QNG1: variants seen among roughly 807,000 people sequenced by gnomAD.
The protein encoded by QNG1 is queuosine 5'-phosphate N-glycosylase/hydrolase.
chr9:83,944,687 C>A, the QNG1 span: 1 of 845,902 alleles, frequency 1.2e-6, no homozygotes, highest in Non-Finnish European at 1.8e-6. Flanking sequence ...ATACTATGAA[C>A]AATAAATAGT....
the QNG1 span, among the ~76,000 whole-genome samples, chr9:83,944,028 C>CAAACAAACAAACAAACAAAA: frequency 0.033 from 4,921 of 149,942 alleles, 250 homozygotes; most frequent in African/African-American, 0.11. Flanking sequence ...CTCAAACAAA[C>CAAACAAACAAACAAACAAAA]AAACATAAAG....
the QNG1 span, among the ~76,000 whole-genome samples, chr9:83,945,471 A>G: frequency 1.3e-5 from 2 of 152,056 alleles, no homozygotes; most frequent in Non-Finnish European, 2.9e-5. Context: ...TAAATTTTCT[A>G]TCACTCCAAA....
the QNG1 span, among the ~76,000 whole-genome samples, chr9:83,951,801 GA>G: frequency 1.3e-5 from 2 of 152,094 alleles, no homozygotes; most frequent in Non-Finnish European, 2.9e-5. Flanking sequence ...TGGTGTTTTG[GA>G]AATATATCTG....
the QNG1 span, among the ~76,000 whole-genome samples, chr9:83,950,596 C>CTTTTT: frequency 1.9e-4 from 22 of 118,320 alleles, no homozygotes; most frequent in Non-Finnish European, 2.7e-4. Flanking sequence ...CTTTTCTTTT[C>CTTTTT]TTTTTTTTTT....
the QNG1 span, among the ~76,000 whole-genome samples, chr9:83,953,339 T>C: frequency 9.2e-5 from 14 of 151,862 alleles, no homozygotes; most frequent in Admixed American, 1.3e-4. Context: ...ACTAATACAA[T>C]TGAATTCTTT....
At chr9:83,951,395 T>A in the QNG1 span, among the ~76,000 whole-genome samples, 1 of 152,150 alleles carries the variant, frequency 6.6e-6, no homozygotes, top group Non-Finnish European at 1.5e-5. Flanking sequence ...ACCCCATCTC[T>A]ACTAATATAC....
chr9:83,954,879 CAAAAAAA>C, the QNG1 span, among the ~76,000 whole-genome samples: 2,258 of 47,084 alleles, frequency 0.048, 77 homozygotes, highest in African/African-American at 0.14. Flanking sequence ...GAGTCCATCT[CAAAAAAA>C]AAAAAAAAAA....
chr9:83,953,922 T>C, the QNG1 span: 15 of 962,170 alleles, frequency 1.6e-5, no homozygotes, highest in East Asian at 2.7e-5. Context: ...AGATAGAGTC[T>C]AATTCTGTCT....
chr9:83,954,109 G>C, the QNG1 span, among the ~76,000 whole-genome samples: 1 of 151,816 alleles, frequency 6.6e-6, no homozygotes, highest in Non-Finnish European at 1.5e-5. Flanking sequence ...TGCTAGGCTG[G>C]TCTTGAGCTC....
chr9:83,956,448 C>T, the QNG1 span: 2 of 1,542,774 alleles, frequency 1.3e-6, no homozygotes, highest in South Asian at 1.3e-5. Flanking sequence ...CACATCCCGA[C>T]TGTTTTCTGC....
At chr9:83,939,748 A>G in the QNG1 span, 1 of 1,604,568 alleles carries the variant, frequency 6.2e-7, no homozygotes, top group Non-Finnish European at 8.5e-7. Flanking sequence ...TTTCTCCTGC[A>G]AGGGGGAAAA....
the QNG1 span, among the ~76,000 whole-genome samples, chr9:83,948,432 G>A: frequency 7.0e-6 from 1 of 142,796 alleles, no homozygotes; most frequent in East Asian, 2.1e-4. Context: ...GGAGGTGGGG[G>A]GCAGCCCCCC....
the QNG1 span, among the ~76,000 whole-genome samples, chr9:83,951,545 C>T: frequency 6.6e-5 from 10 of 151,894 alleles, no homozygotes; most frequent in Non-Finnish European, 5.9e-5. Context: ...TGGGTGACAG[C>T]GAGACTCTGT....
chr9:83,951,381 T>C, the QNG1 span, among the ~76,000 whole-genome samples: 1 of 152,114 alleles, frequency 6.6e-6, no homozygotes, highest in East Asian at 1.9e-4. Flanking sequence ...GCCAACATGG[T>C]AAAACCCCAT....
the QNG1 span, among the ~76,000 whole-genome samples, chr9:83,944,344 G>A: frequency 6.6e-6 from 1 of 152,050 alleles, no homozygotes; most frequent in Non-Finnish European, 1.5e-5. Context: ...ATCCAATAAT[G>A]GCGAATAAGC....
At chr9:83,954,459 G>A in the QNG1 span, among the ~76,000 whole-genome samples, 4 of 152,260 alleles carry the variant, frequency 2.6e-5, no homozygotes, top group South Asian at 8.3e-4. Flanking sequence ...GCATGCGCCT[G>A]TAGTCCCAGC....
At chr9:83,956,283 G>C in the QNG1 span, 1 of 1,614,136 alleles carries the variant, frequency 6.2e-7, no homozygotes. Flanking sequence ...GAAGTTGAGC[G>C]TGTCTGTCAC....
the QNG1 span, chr9:83,953,937 T>G: frequency 1.2e-6 from 1 of 801,804 alleles, no homozygotes; most frequent in Non-Finnish European, 2.0e-6. Context: ...CTGTCTCGTC[T>G]AGGCTGGAGT....
chr9:83,943,897 T>G, the QNG1 span, among the ~76,000 whole-genome samples: 1 of 152,204 alleles, frequency 6.6e-6, no homozygotes, highest in African/African-American at 2.4e-5. Context: ...GGCGGGCGCC[T>G]GTAGTCCCAG....
Sources: gnomAD v4.1 joint callset for allele counts (sites outside exome capture counted in the v4.1 genomes callset) on GRCh38, gnomAD v4.1.1 for gene constraint, MANE v1.5 for transcripts, NCBI Gene and HGNC (gene_info 2026-07-23, HGNC 2026-07-21) for gene names.